The following TLK2 variants were observed in gnomAD, a reference collection of about 807,000 sequenced individuals.
The protein encoded by TLK2 is tousled like kinase 2, also known as serine/threonine-protein kinase tousled-like 2.
Under a neutral mutation model 117.3 loss-of-function variants are expected in TLK2, and 6 were observed. The observed-to-expected ratio is 0.05, with a 90% confidence interval of 0.03 to 0.10. The LOEUF is 0.10. Among genes scored for constraint, TLK2 ranks in the 10% least tolerant of loss-of-function variants. TLK2 has a pLI of 1.00. For missense variants in TLK2, 299 were observed against 901.2 expected, an observed-to-expected ratio of 0.33 and a Z score of 8.56; for synonymous variants, 257 against 316.7, an observed-to-expected ratio of 0.81 and a Z score of 2.00.
chr17:62,487,291 CAAA>C (rs556542076), intron 2 of TLK2, among the ~76,000 whole-genome samples: 5 of 69,314 alleles, frequency 7.2e-5, no homozygotes, highest in South Asian at 9.0e-4. Context: ...GACTCTGTCT[CAAA>C]AAAAAAAAAA....
chr17:62,551,008 G>A (rs1191316518), intron 7 of TLK2: 1 of 152,166 alleles, frequency 6.6e-6, no homozygotes, highest in Non-Finnish European at 1.5e-5. Context: ...TAGTAAGATA[G>A]GGTTTTGCCA....
intron 9 of TLK2, among the ~76,000 whole-genome samples, chr17:62,558,789 G>T (rs1216068161): frequency 5.3e-5 from 8 of 152,190 alleles, no homozygotes; most frequent in Admixed American, 3.3e-4. Context: ...TTTGGAGACA[G>T]AAGCTGTTTC....
intron 2 of TLK2, among the ~76,000 whole-genome samples, chr17:62,514,453 TA>T (rs35051879): frequency 9.5e-5 from 14 of 148,056 alleles, no homozygotes; most frequent in South Asian, 2.1e-4. Context: ...CAATAATAAT[TA>T]AAAAAAAAAA....
intron 2 of TLK2, among the ~76,000 whole-genome samples, chr17:62,511,919 A>G (rs191149477): frequency 1.3e-5 from 2 of 152,332 alleles, no homozygotes; most frequent in Admixed American, 1.3e-4. Context: ...TTTCTCTGGA[A>G]TAAATGTTCA....
intron 2 of TLK2, among the ~76,000 whole-genome samples, chr17:62,483,150 A>T (rs2071889136): frequency 6.6e-6 from 1 of 152,174 alleles, no homozygotes. Context: ...TTGAAGATTG[A>T]GCATAAGGCT....
intron 2 of TLK2, among the ~76,000 whole-genome samples, chr17:62,512,835 GTTT>G (rs910394464): frequency 6.9e-6 from 1 of 145,558 alleles, no homozygotes; most frequent in Non-Finnish European, 1.5e-5. Flanking sequence ...GATCTATTTT[GTTT>G]TTTTCTCTTT....
chr17:62,557,654 G>C (rs904353349), intron 9 of TLK2, among the ~76,000 whole-genome samples: 3 of 152,124 alleles, frequency 2.0e-5, no homozygotes, highest in African/African-American at 7.2e-5. Context: ...TGGTTTGTGG[G>C]TGTAAAAAGC....
At chr17:62,555,027 C>T (rs542418851) in intron 9 of TLK2, among the ~76,000 whole-genome samples, 69 of 151,356 alleles carry the variant, frequency 4.6e-4, no homozygotes, top group Non-Finnish European at 8.0e-4. Flanking sequence ...TATATACACA[C>T]ACACACACAC....
rs182532642 is a variant in TLK2, at chr17:62,501,004, C to T, written c.82-19769C>T. Among the ~76,000 whole-genome samples the T allele has an allele frequency of 1.6e-3, 248 of 152,048 alleles. 1 individual carries two copies. The highest frequency in any genetic ancestry group is 4.6e-3 in the African/African-American group (192 of 41,454). ...CTGTAATCCCAGCACTTTGGGAGGCCGAAGTGGGCGGATCACGAGGTCAGG... is the reference window on the plus strand; with the variant it reads ...CTGTAATCCCAGCACTTTGGGAGGCTGAAGTGGGCGGATCACGAGGTCAGG... On this transcript the variant is annotated intron_variant, in intron 2 of 21. Transcript: ENST00000346027.
chr17:62,545,587 A>C (rs1195994573), intron 7 of TLK2, among the ~76,000 whole-genome samples: 1 of 152,130 alleles, frequency 6.6e-6, no homozygotes, highest in Non-Finnish European at 1.5e-5. Flanking sequence ...ATTGCGCTCC[A>C]GCCTGGATGA....
chr17:62,609,124 G>A (rs752391717), intron 21 of TLK2, among the ~76,000 whole-genome samples: 1 of 152,102 alleles, frequency 6.6e-6, no homozygotes, highest in Non-Finnish European at 1.5e-5. Context: ...CTCTGTCACC[G>A]TGTCTGGAGT....
upstream of TLK2, among the ~76,000 whole-genome samples, chr17:62,476,588 T>TAAAAC (rs2071051479): frequency 6.7e-6 from 1 of 149,284 alleles, no homozygotes; most frequent in Non-Finnish European, 1.5e-5. Flanking sequence ...GTCACCAAAA[T>TAAAAC]AAAATAAAAT....
chr17:62,615,383 T>G lies in TLK2; in HGVS notation c.*2818T>G, dbSNP rs1287031213. 1 of 152,230 alleles carries G rather than the reference T, an allele frequency of 6.6e-6. No homozygotes were observed. Among genetic ancestry groups the G allele is most frequent in the Non-Finnish European group, 1.5e-5 (1 of 68,044 alleles). The allele number at this position is 152,230 out of a possible 1,614,324, so 9.4% of individuals were successfully genotyped here. ...TGATTTACTTTACACAATGACAGTA[T>G]GTATTAATTTGTAATTAAACCCATC... On this transcript the variant is annotated 3_prime_UTR_variant, in exon 22 of 22. Transcript: ENST00000346027.
intron 11 of TLK2, among the ~76,000 whole-genome samples, chr17:62,569,569 G>A (rs568538241): frequency 2.1e-4 from 32 of 150,612 alleles, no homozygotes; most frequent in African/African-American, 7.6e-4. Flanking sequence ...CTGAGTAGCT[G>A]GGACTACAGG....
chr17:62,606,063 C>A, intron 19 of TLK2, 67 bp from the exon 20 acceptor site: 1 of 333,980 alleles, frequency 3.0e-6, no homozygotes, highest in East Asian at 6.5e-5. Context: ...TTTATTTTGT[C>A]TTTTTGTACA....
At chr17:62,483,960 G>A (rs1358840123) in intron 2 of TLK2, among the ~76,000 whole-genome samples, 1 of 151,922 alleles carries the variant, frequency 6.6e-6, no homozygotes, top group African/African-American at 2.4e-5. Flanking sequence ...TGAGTAGCTG[G>A]GACTATAGGC....
intron 2 of TLK2, among the ~76,000 whole-genome samples, chr17:62,498,370 TAGTGTCGTAGAA>T (rs1046533711): frequency 1.1e-4 from 16 of 150,568 alleles, no homozygotes; most frequent in African/African-American, 3.7e-4. Context: ...ACATAGTTGA[TAGTGTCGTAGAA>T]AGCCCCCCTT....
chr17:62,472,709 G>C lies in TLK2; in HGVS notation c.-205+1631G>C, dbSNP rs564676306. ...GCTGAGATCGCACCACTGCACTCCA[G>C]CCTAGGCGACGGAGCAAGACCCCGT... On this transcript the variant is annotated intron_variant, in intron 1 of 4. Coordinates refer to the TLK2 transcript ENST00000579450. 3.3e-5 allele frequency among the ~76,000 whole-genome samples: 5 copies of C among 150,830 alleles called. No individual in the cohort carries two copies. The East Asian group carries it at 5.9e-4, about 18-fold the overall frequency.
At chr17:62,476,508 A>G (rs1158405670), upstream of TLK2, among the ~76,000 whole-genome samples, 1 of 152,014 alleles carries the variant, frequency 6.6e-6, no homozygotes, top group Non-Finnish European at 1.5e-5. Context: ...GCATGAACCC[A>G]GGAGAAAGAG....
Sources: allele counts gnomAD v4.1 joint callset (sites outside exome capture counted in the v4.1 genomes callset), GRCh38; gene constraint gnomAD v4.1.1; transcripts MANE v1.5; gene names NCBI Gene and HGNC (gene_info 2026-07-23, HGNC 2026-07-21).